The following SPTA1 variants were observed in gnomAD, a reference collection of about 807,000 sequenced individuals.
SPTA1 encodes spectrin alpha chain, erythrocytic 1.
Under a neutral mutation model 324.7 loss-of-function variants are expected in SPTA1, and 177 were observed. That is an observed-to-expected ratio of 0.55 (90% CI 0.48 to 0.62). The LOEUF is 0.62. Ranked by LOEUF, SPTA1 falls within the 20% of genes least tolerant of loss-of-function variation. The pLI is 0.00. For missense variants in SPTA1, 3,162 were observed against 2,883.6 expected (o/e 1.10, Z -2.21); for synonymous variants, 1,195 against 1,041.3 (o/e 1.15, Z -2.84).
At chr1:158,639,765 A>G in intron 34 of SPTA1, 79 bp from the exon 35 acceptor site, 2 of 1,607,834 alleles carry the variant, frequency 1.2e-6, no homozygotes, top group South Asian at 2.2e-5. Flanking sequence ...CTATGTCCCC[A>G]AACTTTTCCC....
intron 42 of SPTA1, among the ~76,000 whole-genome samples, chr1:158,625,332 C>T (rs1175002965): frequency 6.6e-6 from 1 of 152,094 alleles, no homozygotes; most frequent in Non-Finnish European, 1.5e-5. Flanking sequence ...GATGATTTCA[C>T]AATTCGAAAT....
chr1:158,634,700 T>G (rs759026866), intron 38 of SPTA1, 25 bp from the exon 39 acceptor site: 2 of 1,613,634 alleles, frequency 1.2e-6, no homozygotes, highest in African/African-American at 1.3e-5. Flanking sequence ...CAAGCCCCAG[T>G]GAGGATAAGA....
At chr1:158,666,120 T>C (rs1653578290) in intron 16 of SPTA1, among the ~76,000 whole-genome samples, 196 bp downstream of exon 16, 1 of 152,074 alleles carries the variant, frequency 6.6e-6, no homozygotes, top group Admixed American at 6.5e-5. Context: ...TCTTTTGCTC[T>C]CTGAATAATA....
intron 21 of SPTA1, among the ~76,000 whole-genome samples, chr1:158,653,867 G>T (rs186225739): frequency 6.6e-6 from 1 of 152,228 alleles, no homozygotes; most frequent in East Asian, 1.9e-4. Context: ...TCATATACCT[G>T]AGTGTTACTT....
intron 1 of SPTA1, 130 bp from the exon 2 acceptor site, chr1:158,685,477 G>T (rs150168383): frequency 1.6e-6 from 2 of 1,285,448 alleles, no homozygotes; most frequent in Non-Finnish European, 2.2e-6. Context: ...AGGGACTATT[G>T]TCAGAAGAGC....
intron 14 of SPTA1, 149 bp from the exon 15 acceptor site, chr1:158,668,211 A>G (rs1469336671): frequency 3.2e-6 from 3 of 924,908 alleles, no homozygotes; most frequent in Non-Finnish European, 4.9e-6. Flanking sequence ...CCAACGTTTG[A>G]GAAATTCATG....
chr1:158,680,833 G>C, intron 4 of SPTA1, 104 bp from the exon 5 acceptor site: 5 of 1,447,914 alleles, frequency 3.5e-6, no homozygotes, highest in Non-Finnish European at 4.8e-6. Flanking sequence ...CTCAAATGGA[G>C]ATACTGGGGG....
chr1:158,683,585 C>T (rs1654962420), intron 2 of SPTA1, 89 bp from the exon 3 acceptor site: 33 of 1,559,712 alleles, frequency 2.1e-5, no homozygotes, highest in Non-Finnish European at 2.6e-5. Context: ...AACACAGGTT[C>T]TCAAAGGGTC....
At chr1:158,654,550 A>T in intron 21 of SPTA1, 61 bp downstream of exon 21, 1 of 1,609,154 alleles carries the variant, frequency 6.2e-7, no homozygotes, top group Non-Finnish European at 8.5e-7. Context: ...ATCTGGCAGG[A>T]TTGGGAGAGA....
chr1:158,619,377 C>T (rs781602179), intron 44 of SPTA1, 43 bp from the exon 45 acceptor site: 1 of 1,587,748 alleles, frequency 6.3e-7, no homozygotes, highest in Non-Finnish European at 8.7e-7. Flanking sequence ...CATCGAAGGC[C>T]TTTCTTTGCC....
chr1:158,679,960 G>T (rs1654679689), intron 5 of SPTA1, among the ~76,000 whole-genome samples: 1 of 152,048 alleles, frequency 6.6e-6, no homozygotes. Flanking sequence ...CTATAGAGCT[G>T]CAATCATAAT....
At chr1:158,677,525 C>A (rs754262573) in intron 7 of SPTA1, among the ~76,000 whole-genome samples, 165 bp downstream of exon 7, 103 of 152,284 alleles carry the variant, frequency 6.8e-4, no homozygotes, top group South Asian at 1.7e-3. Flanking sequence ...TATCCACATA[C>A]GAGTTATGAA....
Position 158,638,482 on chromosome 1 carries a change from C to T in SPTA1, c.4981-241G>A, listed in dbSNP as rs60960263. Among the ~76,000 whole-genome samples the T allele has an allele frequency of 4.0e-3, 612 of 152,242 alleles. 1 individual carries two copies. Among genetic ancestry groups the T allele is most frequent in the African/African-American group, 0.014 (592 of 41,540 alleles). The stretch of plus-strand genomic sequence containing the variant: ...TGTACATTTAGCCTGTGTCCTGTTT[C>T]TCCTTCTGATATTTTCAGTATTTGC... On this transcript the variant is annotated intron_variant, in intron 35 of 51. Transcript: ENST00000643759.
chr1:158,669,673 T>C (rs2101909837), intron 13 of SPTA1, 36 bp downstream of exon 13: 1 of 1,613,984 alleles, frequency 6.2e-7, no homozygotes, highest in Non-Finnish European at 8.5e-7. Context: ...GATTCTAGTG[T>C]GTAGGCACAC....
At position 158,620,333 on chromosome 1, in the gene SPTA1, T is replaced by C; in HGVS notation, c.6254A>G (p.His2085Arg). 2 of 1,614,116 alleles carry C rather than the reference T, an allele frequency of 1.2e-6. No individual in the cohort carries two copies. The highest frequency in any genetic ancestry group is 1.7e-5 in the Admixed American group (1 of 60,024). The change falls in exon 44 of 52, where the codon CAT (histidine) becomes CGT (arginine). Residue 2085 changes from histidine to arginine, a missense_variant. Coordinates refer to ENST00000643759, the MANE Select transcript of SPTA1 (RefSeq NM_003126.4). ...LNEIRQLQKDHEDFLASLARA... is the reference protein window; with the variant it reads ...LNEIRQLQKDREDFLASLARA... ...AGCCAGGGAGGCCAAGAAGTCCTCA[T>C]GGTCTTTCTGCAGCTGCCGAATTTC...
chr1:158,669,825 G>A, intron 12 of SPTA1, 39 bp from the exon 13 acceptor site: 3 of 1,600,042 alleles, frequency 1.9e-6, no homozygotes, highest in Non-Finnish European at 2.6e-6. Flanking sequence ...TTTTCCTTCA[G>A]TGACCACTGA....
In SPTA1 at chr1:158,654,780, C is replaced by T. The variant is rs76973464; in HGVS notation, c.2899-32G>A. On this transcript the variant is annotated intron_variant, in intron 20 of 51. Transcript: ENST00000643759. ...AAAAACAGGAAGCAGGTGTCAGTCA[C>T]GCACTGGAAATATCTCCCTGTACAG... 5.8e-3 allele frequency: 9,406 copies of T among 1,611,316 alleles called. 435 individuals are homozygous for T. The African/African-American group carries it at 0.1, about 18-fold the overall frequency.
Position 158,666,437 on chromosome 1 carries a change from T to C in SPTA1, c.2099A>G (p.Gln700Arg), listed in dbSNP as rs372728613. The change falls in exon 16 of 52, where the codon CAG becomes CGG. Residue 700 changes from glutamine to arginine, a missense_variant. Transcript: ENST00000643759. ...LQFENNAEDL[Q>R]RWLEDVEWQV... ...CCACTCAACATCCTCCAGCCAGCGC[T>C]GCAAATCTTCTGCATTATTTTCAAA... is the stretch of plus-strand genomic sequence containing the variant. The C allele has an allele frequency of 4.5e-5, 73 of 1,613,334 alleles. 1 individual carries two copies. Among genetic ancestry groups the C allele is most frequent in the South Asian group, 3.6e-4 (33 of 91,082 alleles).
At position 158,661,871 on chromosome 1, in the gene SPTA1, A is replaced by T. The variant is rs371780254; in HGVS notation, c.2465-462T>A. ...GTTTGAAGATCTATTTGTAATCATT[A>T]GAAATAACTTACAAAAAGTGCCTCA... On this transcript the variant is annotated intron_variant, in intron 17 of 51. Coordinates refer to ENST00000643759, the MANE Select transcript of SPTA1 (RefSeq NM_003126.4). Among the ~76,000 whole-genome samples the T allele has an allele frequency of 7.2e-5, 11 of 152,358 alleles. No homozygotes were observed. The East Asian group carries it at 2.1e-3, about 29-fold the overall frequency.
Sources: gnomAD v4.1 joint callset for allele counts (sites outside exome capture counted in the v4.1 genomes callset) on GRCh38, gnomAD v4.1.1 for gene constraint, MANE v1.5 for transcripts, NCBI Gene and HGNC (gene_info 2026-07-23, HGNC 2026-07-21) for gene names.